KAZN: variants seen among roughly 807,000 people sequenced by gnomAD.
KAZN encodes kazrin, periplakin interacting protein, also known as kazrin.
Under a neutral mutation model 87.4 loss-of-function variants are expected in KAZN, and 40 were observed. That is an observed-to-expected ratio of 0.46 (90% confidence interval 0.36 to 0.60). The LOEUF is 0.60. Among genes scored for constraint, KAZN ranks in the 20% least tolerant of loss-of-function variants. The pLI is 0.00. For missense variants in KAZN, 898 were observed against 1,073.9 expected, an observed-to-expected ratio of 0.84 and a Z score of 2.29; for synonymous variants, 466 against 458.3, an observed-to-expected ratio of 1.02 and a Z score of -0.22.
chr1:14,460,868 C>G (rs1667816733), intron 2 of KAZN, among the ~76,000 whole-genome samples: 1 of 152,116 alleles, frequency 6.6e-6, no homozygotes, highest in African/African-American at 2.4e-5. Flanking sequence ...AAAGTATCTT[C>G]AAGATAAGGA....
At chr1:15,103,549 CA>C in intron 12 of KAZN, 89 bp downstream of exon 12, 2 of 845,888 alleles carry the variant, frequency 2.4e-6, no homozygotes, top group Non-Finnish European at 4.0e-6. Context: ...AAATCACATG[CA>C]AATCAATATG....
chr1:14,950,481 T>A (rs938002436), intron 1 of KAZN, among the ~76,000 whole-genome samples: 7 of 152,132 alleles, frequency 4.6e-5, no homozygotes, highest in Non-Finnish European at 1.0e-4. Flanking sequence ...AGCCTAGGCT[T>A]ACCTCTCCCC....
At chr1:14,742,360 G>A (rs575260478) in intron 1 of KAZN, among the ~76,000 whole-genome samples, 2 of 152,314 alleles carry the variant, frequency 1.3e-5, no homozygotes, top group East Asian at 3.9e-4. Context: ...CCACTTAAGA[G>A]CACAGCAGGC....
At chr1:15,083,408 C>G (rs572706855) in intron 8 of KAZN, among the ~76,000 whole-genome samples, 1 of 152,218 alleles carries the variant, frequency 6.6e-6, no homozygotes, top group Non-Finnish European at 1.5e-5. Flanking sequence ...CTGTGTCACT[C>G]CAGCCCAGGG....
At chr1:14,645,652 A>G (rs1383069253) in intron 1 of KAZN, among the ~76,000 whole-genome samples, 1 of 152,180 alleles carries the variant, frequency 6.6e-6, no homozygotes, top group Non-Finnish European at 1.5e-5. Context: ...TTGGGCCAAG[A>G]CTATGGTGTT....
chr1:14,498,420 G>A (rs1020526090), intron 2 of KAZN, among the ~76,000 whole-genome samples: 4 of 152,230 alleles, frequency 2.6e-5, no homozygotes, highest in Admixed American at 2.0e-4. Flanking sequence ...GGCCAGGCAC[G>A]ATGGCTCATG....
intron 2 of KAZN, among the ~76,000 whole-genome samples, chr1:14,473,355 G>A (rs541028800): frequency 2.0e-4 from 31 of 152,218 alleles, no homozygotes; most frequent in Middle Eastern, 3.4e-3. Flanking sequence ...TTGGCTGGGC[G>A]TGGTGGCTCA....
chr1:14,626,827 G>A (rs1679177630), intron 1 of KAZN, among the ~76,000 whole-genome samples: 1 of 152,072 alleles, frequency 6.6e-6, no homozygotes, highest in South Asian at 2.1e-4. Context: ...ACTTCTCAAG[G>A]TTGTTCATGC....
At chr1:15,060,523 G>A in intron 6 of KAZN, 1 of 617,688 alleles carries the variant, frequency 1.6e-6, no homozygotes, top group Non-Finnish European at 2.7e-6. Flanking sequence ...GGAGGGTGAG[G>A]AGAATCCAGA....
intron 1 of KAZN, chr1:13,893,886 T>C: frequency 8.7e-7 from 1 of 1,155,008 alleles, no homozygotes; most frequent in Non-Finnish European, 1.2e-6. Context: ...TGATATAATG[T>C]GGGATGTAAG....
At chr1:14,609,680 C>T (rs775875647) in intron 1 of KAZN, among the ~76,000 whole-genome samples, 19 of 152,228 alleles carry the variant, frequency 1.2e-4, no homozygotes, top group East Asian at 1.9e-4. Flanking sequence ...TCCTGGGAAG[C>T]GCTACAGTCT....
At chr1:14,143,099 A>G (rs771754504) in intron 1 of KAZN, among the ~76,000 whole-genome samples, 5 of 152,210 alleles carry the variant, frequency 3.3e-5, no homozygotes, top group African/African-American at 7.2e-5. Flanking sequence ...GCATGGCCCC[A>G]TAGTGGCAGG....
chr1:14,443,135 C>G (rs903510831), intron 2 of KAZN, among the ~76,000 whole-genome samples: 2 of 152,170 alleles, frequency 1.3e-5, no homozygotes, highest in African/African-American at 4.8e-5. Context: ...TTTGGCTCTT[C>G]CAAACGTGAT....
chr1:14,071,859 A>G (rs1033441314), intron 1 of KAZN, among the ~76,000 whole-genome samples: 2 of 152,204 alleles, frequency 1.3e-5, no homozygotes, highest in African/African-American at 2.4e-5. Context: ...GGAATAGCCC[A>G]CTAAGGAAAC....
At chr1:14,637,928 A>G (rs1251904593) in intron 1 of KAZN, among the ~76,000 whole-genome samples, 3 of 152,114 alleles carry the variant, frequency 2.0e-5, no homozygotes, top group Non-Finnish European at 4.4e-5. Context: ...GGGTTGGCTC[A>G]TTCTGGGAGG....
chr1:14,508,429 G>A (rs185311955), intron 2 of KAZN, among the ~76,000 whole-genome samples: 2 of 152,190 alleles, frequency 1.3e-5, no homozygotes, highest in South Asian at 2.1e-4. Context: ...CAGATTCTAC[G>A]GGTAACGTTG....
intron 1 of KAZN, among the ~76,000 whole-genome samples, chr1:14,613,513 A>G (rs1198526485): frequency 1.3e-5 from 2 of 152,228 alleles, no homozygotes; most frequent in African/African-American, 4.8e-5. Flanking sequence ...TGAAGAGAGA[A>G]AGAAAATTTT....
intron 2 of KAZN, among the ~76,000 whole-genome samples, chr1:14,380,483 T>G (rs1164172167): frequency 6.6e-6 from 1 of 152,042 alleles, no homozygotes; most frequent in Non-Finnish European, 1.5e-5. Flanking sequence ...AAGAAGAAAA[T>G]CAGAATTCTA....
intron 1 of KAZN, among the ~76,000 whole-genome samples, chr1:14,855,336 T>C (rs878995327): frequency 6.6e-6 from 1 of 152,226 alleles, no homozygotes; most frequent in Non-Finnish European, 1.5e-5. Context: ...CTAAGTGAAT[T>C]TGCACCCTGC....
Sources: gnomAD v4.1 joint callset for allele counts (sites outside exome capture counted in the v4.1 genomes callset) on GRCh38, gnomAD v4.1.1 for gene constraint, MANE v1.5 for transcripts, NCBI Gene and HGNC (gene_info 2026-07-23, HGNC 2026-07-21) for gene names.